The following SUSD4 variants were observed in gnomAD, a reference collection of about 807,000 sequenced individuals.
SUSD4 encodes the protein sushi domain containing 4, also known as sushi domain-containing protein 4.
Under a neutral mutation model 50.5 loss-of-function variants are expected in SUSD4, and 41 were observed. That is an observed-to-expected ratio of 0.81 (90% CI 0.63 to 1.05). The LOEUF is 1.05. Ranked by LOEUF, SUSD4 falls within the 50% of genes least tolerant of loss-of-function variation. The pLI is 0.00. For synonymous variants in SUSD4, 257 were observed against 257.3 expected (o/e 1.00, Z 0.01); for missense variants, 580 against 634.7 (o/e 0.91, Z 0.93).
At chr1:223,351,930 G>A (rs547164450) in intron 2 of SUSD4, among the ~76,000 whole-genome samples, 25 of 151,880 alleles carry the variant, frequency 1.6e-4, no homozygotes, top group South Asian at 8.4e-4. Flanking sequence ...ACATGACCCA[G>A]TTTAGCAACA....
intron 3 of SUSD4, among the ~76,000 whole-genome samples, chr1:223,273,635 C>A (rs1279262005): frequency 6.6e-6 from 1 of 152,222 alleles, no homozygotes; most frequent in African/African-American, 2.4e-5. Context: ...ATCGGGTCAA[C>A]TTCTGGAGGG....
At chr1:223,226,717 C>A (rs1256202758) in intron 7 of SUSD4, among the ~76,000 whole-genome samples, 2 of 152,152 alleles carry the variant, frequency 1.3e-5, no homozygotes, top group Non-Finnish European at 2.9e-5. Context: ...AAAACAAATG[C>A]CCTTTTCTGA....
chr1:223,252,654 A>G (rs949119042), intron 5 of SUSD4, among the ~76,000 whole-genome samples: 16 of 152,174 alleles, frequency 1.1e-4, no homozygotes, highest in African/African-American at 3.4e-4. Context: ...ATGTAGGCAC[A>G]GGTGTTTACT....
At chr1:223,286,639 A>T (rs900210136) in intron 3 of SUSD4, among the ~76,000 whole-genome samples, 2 of 152,220 alleles carry the variant, frequency 1.3e-5, no homozygotes, top group Non-Finnish European at 2.9e-5. Flanking sequence ...CACCACACTC[A>T]TGGCCAAGTG....
chr1:223,232,162 TG>T (rs934065952), intron 5 of SUSD4, among the ~76,000 whole-genome samples: 14 of 152,216 alleles, frequency 9.2e-5, no homozygotes, highest in African/African-American at 3.4e-4. Flanking sequence ...TTACCAGGGT[TG>T]GGGAGGTAGA....
chr1:223,300,119 C>T (rs1665086348), intron 2 of SUSD4, among the ~76,000 whole-genome samples: 1 of 152,170 alleles, frequency 6.6e-6, no homozygotes, highest in South Asian at 2.1e-4. Flanking sequence ...GCACCTGGGT[C>T]CTGGGGTCAG....
intron 2 of SUSD4, among the ~76,000 whole-genome samples, chr1:223,335,346 A>G (rs951949272): frequency 5.9e-5 from 9 of 152,218 alleles, no homozygotes; most frequent in African/African-American, 2.2e-4. Flanking sequence ...CCAGCAGTGT[A>G]GAAGTGTTCT....
At position 223,268,013 on chromosome 1, in the gene SUSD4, TTATATA is replaced by T. The variant is rs59885860; in HGVS notation, c.535+483_535+488del. ...AATTTTTCTGCTCTTCATGCATTTT[TTATATA>T]TATATATATATATATATATATATAC... On this transcript the variant is annotated intron_variant, in intron 4 of 8. Transcript: ENST00000366878. Among the ~76,000 whole-genome samples the T allele has an allele frequency of 5.2e-4, 28 of 53,356 alleles. 2 individuals carry two copies. The highest frequency in any genetic ancestry group is 4.7e-3 in the Admixed American group (21 of 4,474). 35.0% of individuals were successfully genotyped at this position (53,356 alleles called of 152,430 possible). A position where few individuals can be genotyped will look rare whatever the true frequency, so the allele number is the denominator to read the frequency against.
At chr1:223,311,066 C>A (rs941615855) in intron 2 of SUSD4, among the ~76,000 whole-genome samples, 12 of 152,296 alleles carry the variant, frequency 7.9e-5, no homozygotes, top group African/African-American at 2.9e-4. Flanking sequence ...GCTCTCCTCC[C>A]CAAGAAGGTA....
At position 223,332,322 on chromosome 1, in the gene SUSD4, T is replaced by C. The variant is rs1490590491; in HGVS notation, c.148+30956A>G. On this transcript the variant is annotated intron_variant, in intron 2 of 8. Transcript: ENST00000366878. The surrounding 1 kb of genome is among the most constrained non-coding windows in gnomAD (Gnocchi z 4.0). ...ACACACATATCTACAGAAAACATCA[T>C]AGTGTATGTATAAATGGCATATCTA... Among the ~76,000 whole-genome samples the C allele has an allele frequency of 2.6e-5, 4 of 152,230 alleles. No homozygotes were observed. The highest frequency in any genetic ancestry group is 4.4e-5 in the Non-Finnish European group (3 of 68,040).
At chr1:223,329,245 G>A (rs1251508451) in intron 2 of SUSD4, among the ~76,000 whole-genome samples, 1 of 152,164 alleles carries the variant, frequency 6.6e-6, no homozygotes, top group Non-Finnish European at 1.5e-5. Context: ...AAACTCACAT[G>A]TAGATAAAAT....
chr1:223,355,548 C>T (rs1277534511), intron 2 of SUSD4, among the ~76,000 whole-genome samples: 1 of 152,090 alleles, frequency 6.6e-6, no homozygotes, highest in Non-Finnish European at 1.5e-5. Context: ...AAAGAATCTC[C>T]CTCCTCCTGA....
At chr1:223,315,640 G>A (rs1031310746) in intron 2 of SUSD4, among the ~76,000 whole-genome samples, 5 of 152,164 alleles carry the variant, frequency 3.3e-5, no homozygotes, top group Non-Finnish European at 5.9e-5. Flanking sequence ...TTTCTTTATC[G>A]CATTGCCGTG....
At position 223,359,562 on chromosome 1, in the gene SUSD4, A is replaced by T. The variant is rs2352899; in HGVS notation, c.148+3716T>A. Among the ~76,000 whole-genome samples the T allele has an allele frequency of 6.6e-3, 1,002 of 152,260 alleles. 27 individuals carry two copies. In the East Asian group the frequency reaches 0.085, roughly 13 times the overall value. ...AAAAAGTAACTCACTCATAGCAATT[A>T]TTTTCTAAATGGTGTGGCAGTAATT... On this transcript the variant is annotated intron_variant, in intron 2 of 8. Coordinates refer to ENST00000366878, the MANE Select transcript of SUSD4 (RefSeq NM_017982.4).
At chr1:223,297,306 C>T (rs1664892310) in intron 2 of SUSD4, among the ~76,000 whole-genome samples, 1 of 152,172 alleles carries the variant, frequency 6.6e-6, no homozygotes, top group Non-Finnish European at 1.5e-5. Context: ...GGCAGCTGCT[C>T]ATGGACTAGG....
chr1:223,363,398 C>T lies in SUSD4; in HGVS notation c.28G>A (p.Gly10Arg). 6.4e-7 allele frequency: 1 copy of T among 1,573,782 alleles called. No individual in the cohort carries two copies. The highest frequency in any genetic ancestry group is 8.6e-7 in the Non-Finnish European group (1 of 1,159,272). Reference protein sequence around the residue: MYHGMNPSNGDGFLEQQQQQ... With the variant: MYHGMNPSNRDGFLEQQQQQ... ...TGCTGCTGCTCTAGAAATCCATCTC[C>T]ATTGCTCGGGTTCATTCCATGATAC... Residue 10 changes from glycine to arginine, a missense_variant, in exon 2 of 9, where the codon GGA becomes AGA. Coordinates refer to ENST00000366878, the MANE Select transcript of SUSD4 (RefSeq NM_017982.4).
chr1:223,326,975 G>A (rs1049553476), intron 2 of SUSD4, among the ~76,000 whole-genome samples: 17 of 152,090 alleles, frequency 1.1e-4, no homozygotes, highest in Non-Finnish European at 2.2e-4. Context: ...CATTCAATCC[G>A]GCAATCCCAC....
At position 223,229,500 on chromosome 1, in the gene SUSD4, TA is replaced by T. The variant is rs1659751245; in HGVS notation, c.725-113del. ...CTCAGTTAAAAATGTGCTTATGGAT[TA>T]ATCACCAGGCTACTGAGTTGCATTA... On this transcript the variant is annotated intron_variant, in intron 5 of 8. Coordinates refer to ENST00000366878, the MANE Select transcript of SUSD4 (RefSeq NM_017982.4). This position sits in a 1 kb window ranked among gnomAD's most constrained non-coding sequence, Gnocchi z 4.7. The T allele has an allele frequency of 8.8e-6, 9 of 1,021,440 alleles. No homozygotes were observed. Among genetic ancestry groups the T allele is most frequent in the Non-Finnish European group, 1.2e-5 (9 of 728,048 alleles). The allele number at this position is 1,021,440 out of a possible 1,614,324, so 63.3% of individuals were successfully genotyped here.
At chr1:223,331,269 G>A (rs567865175) in intron 2 of SUSD4, among the ~76,000 whole-genome samples, 7 of 152,206 alleles carry the variant, frequency 4.6e-5, no homozygotes, top group South Asian at 2.1e-4. Flanking sequence ...ATTTGGGGGC[G>A]CTTTGGAGTT....
Sources: gnomAD v4.1 joint callset for allele counts (sites outside exome capture counted in the v4.1 genomes callset) on GRCh38, gnomAD v4.1.1 for gene constraint, Gnocchi (gnomAD v3.1) non-coding constraint, MANE v1.5 for transcripts, NCBI Gene and HGNC (gene_info 2026-07-23, HGNC 2026-07-21) for gene names.